The following PPP3CB variants were observed in gnomAD, a reference collection of about 807,000 sequenced individuals.
PPP3CB encodes protein phosphatase 3 catalytic subunit beta.
PPP3CB carries 8 observed loss-of-function variants against 66.4 expected under a neutral mutation model. That is an observed-to-expected ratio of 0.12 (90% confidence interval 0.07 to 0.22). The LOEUF is 0.22. Ranked by LOEUF, PPP3CB falls within the 10% of genes least tolerant of loss-of-function variation. The pLI, the probability that PPP3CB is intolerant of heterozygous loss-of-function variation, is 1.00. For missense variants in PPP3CB, 319 were observed against 642.5 expected (o/e 0.50, Z 5.44); for synonymous variants, 208 against 221.2 (o/e 0.94, Z 0.53).
At chr10:73,495,750 C>A in intron 1 of PPP3CB, 55 bp downstream of exon 1, 1 of 1,542,458 alleles carries the variant, frequency 6.5e-7, no homozygotes, top group Non-Finnish European at 8.8e-7. Context: ...CCCGCCCGCC[C>A]TCACACACAG....
At chr10:73,479,778 T>G (rs1424666791) in intron 1 of PPP3CB, among the ~76,000 whole-genome samples, 1 of 152,226 alleles carries the variant, frequency 6.6e-6, no homozygotes, top group African/African-American at 2.4e-5. Context: ...AACCAAAACT[T>G]TTTTGTTTAA....
At chr10:73,443,262 G>A (rs371590966) in intron 12 of PPP3CB, among the ~76,000 whole-genome samples, 881 of 78,724 alleles carry the variant, frequency 0.011, 12 homozygotes, top group African/African-American at 0.036. Context: ...GAGAGAGAGA[G>A]AGAGAGAAAG....
chr10:73,495,574 C>G (rs2057184735), intron 1 of PPP3CB: 2 of 429,662 alleles, frequency 4.7e-6, no homozygotes, highest in African/African-American at 2.1e-5. Context: ...GGCTAGGAAG[C>G]CACGGAAGCA....
intron 11 of PPP3CB, among the ~76,000 whole-genome samples, chr10:73,445,336 G>A (rs980684148): frequency 5.9e-5 from 9 of 152,194 alleles, no homozygotes; most frequent in African/African-American, 2.2e-4. Context: ...TGTGAATTTA[G>A]TGTTATCACA....
chr10:73,461,997 T>G (rs895166316), intron 9 of PPP3CB, among the ~76,000 whole-genome samples: 1 of 152,102 alleles, frequency 6.6e-6, no homozygotes, highest in Non-Finnish European at 1.5e-5. Flanking sequence ...CCTCGCTCTC[T>G]TGCTCCTGCT....
At position 73,440,062 on chromosome 10, in the gene PPP3CB, T is replaced by G. The variant is rs1340094109; in HGVS notation, c.1367-161A>C. On this transcript the variant is annotated intron_variant, in intron 12 of 13. Coordinates refer to ENST00000360663, the MANE Select transcript of PPP3CB (RefSeq NM_021132.4). ...ATAGTACCCAAATTAGAGAGCCCCA[T>G]CCAAACCCCCAATTCCTGACACAGC... 2.0e-5 allele frequency among the ~76,000 whole-genome samples: 3 copies of G among 152,252 alleles called. No individual in the cohort carries two copies. The East Asian group carries it at 5.8e-4, about 29-fold the overall frequency.
intron 9 of PPP3CB, among the ~76,000 whole-genome samples, chr10:73,457,675 T>C (rs1442105332): frequency 8.0e-5 from 12 of 150,116 alleles, no homozygotes; most frequent in African/African-American, 2.7e-4. Context: ...GAGGTGGAGG[T>C]TGCAGTGAGC....
At chr10:73,443,869 T>C (rs760593917) in intron 12 of PPP3CB, 16 of 152,254 alleles carry the variant, frequency 1.1e-4, no homozygotes, top group Non-Finnish European at 2.4e-4. Flanking sequence ...ACTTACAGGA[T>C]TTAAATTCAA....
In PPP3CB at chr10:73,495,856, G is replaced by A. The variant is rs1209277974; in HGVS notation, c.34C>T (p.Pro12Ser). ...GGGGGCGGCGGGGGCGGGGGTGGGG[G>A]CGGTGCAGCCCGGGCCGGCTCCGGG... Reference protein sequence around the residue: ...AAPEPARAAPPPPPPPPPPPG... With the variant: ...AAPEPARAAPSPPPPPPPPPG... The change falls in exon 1 of 14, where the codon CCC (proline) becomes TCC (serine). Residue 12 changes from proline (P) to serine (S), a missense_variant. Transcript: ENST00000360663. 4.9e-6 allele frequency: 7 copies of A among 1,443,002 alleles called. No homozygotes were observed. The Admixed American group carries it at 1.7e-4, about 34-fold the overall frequency. 89.4% of individuals were successfully genotyped at this position (1,443,002 alleles called of 1,614,324 possible). A position where few individuals can be genotyped will look rare whatever the true frequency, so the allele number is the denominator to read the frequency against.
At chr10:73,460,057 T>G (rs1564555612) in intron 9 of PPP3CB, among the ~76,000 whole-genome samples, 1 of 152,044 alleles carries the variant, frequency 6.6e-6, no homozygotes. Flanking sequence ...CTTTGCTGTG[T>G]TATGGCTAGA....
chr10:73,484,952 C>T (rs1010629610), intron 1 of PPP3CB, among the ~76,000 whole-genome samples: 1 of 152,064 alleles, frequency 6.6e-6, no homozygotes, highest in African/African-American at 2.4e-5. Flanking sequence ...ACTCAGGAGG[C>T]TGAGGCAGGA....
At chr10:73,455,717 C>T (rs979192376) in intron 9 of PPP3CB, among the ~76,000 whole-genome samples, 2 of 152,138 alleles carry the variant, frequency 1.3e-5, no homozygotes, top group Admixed American at 6.5e-5. Context: ...TACAGGTGCC[C>T]GCCACCTCGC....
chr10:73,479,174 G>C (rs2056835932), intron 2 of PPP3CB, 143 bp downstream of exon 2: 1 of 785,944 alleles, frequency 1.3e-6, no homozygotes, highest in Non-Finnish European at 2.0e-6. Flanking sequence ...TCATTTTTAA[G>C]TATGGAAAAT....
chr10:73,436,537 A>T lies in PPP3CB; in HGVS notation c.*1705T>A, dbSNP rs183647183. On this transcript the variant is annotated 3_prime_UTR_variant, in exon 14 of 14. Coordinates refer to ENST00000360663, the MANE Select transcript of PPP3CB (RefSeq NM_021132.4). ...TATTTTCTTTCAATTAAAAGACAAT[A>T]AACAGTGATCTTAAATATTAGACTT... 2.5e-3 allele frequency: 375 copies of T among 152,362 alleles called. No homozygotes were observed. Among genetic ancestry groups the T allele is most frequent in the African/African-American group, 8.5e-3 (355 of 41,582 alleles). 9.4% of individuals were successfully genotyped at this position (152,362 alleles called of 1,614,324 possible).
intron 3 of PPP3CB, 36 bp downstream of exon 3, chr10:73,478,463 T>G: frequency 6.3e-7 from 1 of 1,581,880 alleles, no homozygotes; most frequent in Non-Finnish European, 8.7e-7. Flanking sequence ...GTGTTAACAC[T>G]TAACAGCAAA....
At chr10:73,461,382 G>A (rs1398487847) in intron 9 of PPP3CB, among the ~76,000 whole-genome samples, 1 of 152,118 alleles carries the variant, frequency 6.6e-6, no homozygotes. Flanking sequence ...AGGAGGCGGA[G>A]GGTGCAGTGA....
Position 73,439,900 on chromosome 10 carries a change from G to T in PPP3CB, c.1368C>A (p.Ala456=). ...TTTCAGCCTCAATAGCCTCAACTGT[G>T]GCTGTACAGAAGTGAGCAGAGGCAT... is the stretch of plus-strand genomic sequence containing the variant. The part of the protein sequence containing the change: ...LAGGRQTLQS[A]TVEAIEAEKA... The change falls in exon 13 of 14, where the codon GCC becomes GCA. Residue 456 remains alanine (A), a splice_region_variant and synonymous_variant. Transcript: ENST00000360663. 1 of 1,613,420 alleles carries T rather than the reference G, an allele frequency of 6.2e-7. No individual in the cohort carries two copies. The highest frequency in any genetic ancestry group is 8.5e-7 in the Non-Finnish European group (1 of 1,179,494).
chr10:73,475,016 T>C lies in PPP3CB; in HGVS notation c.426A>G (p.Leu142=). 2.5e-6 allele frequency: 4 copies of C among 1,613,370 alleles called. No homozygotes were observed. Among genetic ancestry groups the C allele is most frequent in the Non-Finnish European group, 3.4e-6 (4 of 1,179,798 alleles). ...GYFSIECVLY[L]WVLKILYPST... is the part of the protein sequence containing the mutation. ...TTGGGTATAGAATCTTCAGAACCCA[T>C]AAATATAAGACACACTGCAAAAGAA... The change falls in exon 4 of 14, where the codon TTA becomes TTG. Residue 142 remains leucine (L), a synonymous_variant. Coordinates refer to ENST00000360663, the MANE Select transcript of PPP3CB (RefSeq NM_021132.4).
At chr10:73,482,361 G>C (rs113081746) in intron 1 of PPP3CB, among the ~76,000 whole-genome samples, 1 of 151,746 alleles carries the variant, frequency 6.6e-6, no homozygotes, top group Non-Finnish European at 1.5e-5. Context: ...TGGTCAACAC[G>C]GTGAAACCCC....
Sources: gnomAD v4.1 joint callset for allele counts (sites outside exome capture counted in the v4.1 genomes callset) on GRCh38, gnomAD v4.1.1 for gene constraint, MANE v1.5 for transcripts, NCBI Gene and HGNC (gene_info 2026-07-23, HGNC 2026-07-21) for gene names.